TMEM132B: variants seen among roughly 807,000 people sequenced by gnomAD.
TMEM132B encodes transmembrane protein 132B.
A neutral mutation model predicts 90.8 loss-of-function variants in TMEM132B; 18 were observed. The observed-to-expected ratio is 0.20, with a 90% CI of 0.14 to 0.29. The LOEUF (loss-of-function observed/expected upper bound fraction) is 0.29, where lower values mean the gene tolerates loss of function less well. TMEM132B is among the 10% of genes least tolerant of loss of function. The probability of loss-of-function intolerance (pLI) is 1.00; values close to 1 mark genes in which losing one functional copy is unlikely to be tolerated. For synonymous variants in TMEM132B, 504 were observed against 523.3 expected (o/e 0.96, Z 0.50); for missense variants, 1,096 against 1,326.8 (o/e 0.83, Z 2.70).
At chr12:125,499,065 T>C (rs113121245) in intron 3 of TMEM132B, among the ~76,000 whole-genome samples, 4,812 of 152,272 alleles carry the variant, frequency 0.032, 148 homozygotes, top group African/African-American at 0.08. Context: ...AGGCCTTTGG[T>C]GTGGTTATCA....
chr12:125,243,106 T>C (rs1344820066), intron 1 of TMEM132B, among the ~76,000 whole-genome samples: 3 of 85,736 alleles, frequency 3.5e-5, no homozygotes, highest in African/African-American at 8.1e-5. Flanking sequence ...CATATATATA[T>C]ACACATATAT....
intron 1 of TMEM132B, among the ~76,000 whole-genome samples, chr12:125,313,918 A>G (rs1876185807): frequency 6.6e-6 from 1 of 151,544 alleles, no homozygotes; most frequent in East Asian, 2.0e-4. Context: ...GTGTGTCGCC[A>G]AAGTGTCTGG....
intron 6 of TMEM132B, among the ~76,000 whole-genome samples, chr12:125,645,827 A>C (rs889914155): frequency 7.2e-5 from 11 of 152,222 alleles, no homozygotes; most frequent in African/African-American, 2.7e-4. Context: ...TAGAAAACTA[A>C]TACAGAGCCT....
chr12:125,515,766 A>G (rs1883132323), intron 3 of TMEM132B, among the ~76,000 whole-genome samples: 2 of 151,794 alleles, frequency 1.3e-5, no homozygotes, highest in Admixed American at 6.6e-5. Context: ...ACACATTCTC[A>G]CACACATTTG....
intron 5 of TMEM132B, among the ~76,000 whole-genome samples, chr12:125,638,156 A>C (rs924669437): frequency 3.3e-5 from 5 of 152,188 alleles, no homozygotes; most frequent in African/African-American, 1.2e-4. Context: ...TGGCACAGAG[A>C]GACTGAGTGG....
At position 125,654,039 on chromosome 12, in the gene TMEM132B, G is replaced by A. The variant is rs1886998207; in HGVS notation, c.2581G>A (p.Gly861Arg). 1 of 1,614,188 alleles carries A rather than the reference G, an allele frequency of 6.2e-7. No homozygotes were observed. ...CACAACCCCCCAGTCTCCCATGGAA[G>A]GGAAGAATAAGTTACTCAAAAGTGG... ...KSTTPQSPMEGKNKLLKSGGP... is the reference protein window; with the variant it reads ...KSTTPQSPMERKNKLLKSGGP... The change falls in exon 9 of 9, where the codon GGG (glycine) becomes AGG (arginine). Residue 861 changes from glycine (G) to arginine (R), a missense_variant. Coordinates refer to ENST00000682704, the MANE Select transcript of TMEM132B (RefSeq NM_001366854.1). The surrounding 1 kb of genome is among the most constrained non-coding windows in gnomAD (Gnocchi z 5.8).
At chr12:125,360,456 C>T (rs1167337994) in intron 2 of TMEM132B, among the ~76,000 whole-genome samples, 1 of 152,056 alleles carries the variant, frequency 6.6e-6, no homozygotes, top group Admixed American at 6.6e-5. Context: ...TTTCTTTAGT[C>T]AACAATATGA....
chr12:125,533,867 T>A (rs1883718548), intron 4 of TMEM132B, among the ~76,000 whole-genome samples: 1 of 152,268 alleles, frequency 6.6e-6, no homozygotes, highest in Non-Finnish European at 1.5e-5. Context: ...CTTAATAGGC[T>A]TTATTATTTT....
intron 1 of TMEM132B, among the ~76,000 whole-genome samples, chr12:125,278,976 A>G (rs1297291576): frequency 6.6e-6 from 1 of 152,118 alleles, no homozygotes; most frequent in Non-Finnish European, 1.5e-5. Flanking sequence ...CTCCAGCACA[A>G]ATGGCTCCCT....
chr12:125,472,844 G>A (rs1540841), intron 3 of TMEM132B, among the ~76,000 whole-genome samples: 1 of 152,060 alleles, frequency 6.6e-6, no homozygotes, highest in South Asian at 2.1e-4. Flanking sequence ...GATAAGTTTC[G>A]GTTGTTTAGA....
intron 2 of TMEM132B, among the ~76,000 whole-genome samples, chr12:125,352,985 G>C (rs1332079347): frequency 6.6e-6 from 1 of 152,180 alleles, no homozygotes; most frequent in Non-Finnish European, 1.5e-5. Flanking sequence ...GGGGTGGGGT[G>C]GTCTAAAACC....
intron 1 of TMEM132B, among the ~76,000 whole-genome samples, chr12:125,334,342 CTT>C (rs1316343111): frequency 3.3e-5 from 5 of 152,202 alleles, no homozygotes; most frequent in African/African-American, 1.2e-4. Context: ...CATCTCACCT[CTT>C]GATACTCCTT....
rs117876032 is a variant in TMEM132B at position 125,251,457 on chromosome 12, C to A, written c.67+64591C>A. Among the ~76,000 whole-genome samples, 14 of 152,270 alleles carry A rather than the reference C, an allele frequency of 9.2e-5. No homozygotes were observed. The East Asian group carries it at 2.7e-3, about 29-fold the overall frequency. On this transcript the variant is annotated intron_variant, in intron 1 of 8. Coordinates refer to ENST00000682704, the MANE Select transcript of TMEM132B (RefSeq NM_001366854.1). The surrounding 1 kb of genome is among the most constrained non-coding windows in gnomAD (Gnocchi z 4.4). Reference sequence around the variant, plus strand: ...AAACCAGGGATTGCAAACTGAAATACCTGCAGGGCTCACACAGGAAATGTA... The same window carrying A: ...AAACCAGGGATTGCAAACTGAAATAACTGCAGGGCTCACACAGGAAATGTA...
chr12:125,422,362 G>A (rs781391226), intron 3 of TMEM132B, among the ~76,000 whole-genome samples: 7 of 152,196 alleles, frequency 4.6e-5, no homozygotes, highest in African/African-American at 1.7e-4. Flanking sequence ...GCATGGCAAA[G>A]CGCCTGTGCT....
At chr12:125,304,000 G>A (rs1213287845) in intron 1 of TMEM132B, among the ~76,000 whole-genome samples, 2 of 152,196 alleles carry the variant, frequency 1.3e-5, no homozygotes, top group African/African-American at 4.8e-5. Flanking sequence ...CCAGGGACTG[G>A]TTTCATGGAA....
intron 1 of TMEM132B, among the ~76,000 whole-genome samples, chr12:125,243,750 T>G (rs1874144159): frequency 1.3e-5 from 2 of 152,232 alleles, no homozygotes; most frequent in South Asian, 2.1e-4. Flanking sequence ...GTTGTTCCCA[T>G]TTTTGGGTCT....
At chr12:125,599,530 G>A (rs1885522523) in intron 5 of TMEM132B, among the ~76,000 whole-genome samples, 1 of 152,108 alleles carries the variant, frequency 6.6e-6, no homozygotes, top group Admixed American at 6.5e-5. Context: ...TTGAGGGTGG[G>A]GATGGGCTGG....
intron 4 of TMEM132B, among the ~76,000 whole-genome samples, chr12:125,548,499 T>G (rs1444889480): frequency 6.6e-6 from 1 of 152,174 alleles, no homozygotes; most frequent in Non-Finnish European, 1.5e-5. Context: ...AAGTGACCTT[T>G]AAGCTAAGGA....
chr12:125,447,402 A>T (rs1354481892), intron 3 of TMEM132B, among the ~76,000 whole-genome samples: 6 of 152,176 alleles, frequency 3.9e-5, no homozygotes, highest in Admixed American at 3.3e-4. Context: ...CGTCACTTTT[A>T]TTTATGAAAA....
Sources: gnomAD v4.1 joint callset for allele counts (sites outside exome capture counted in the v4.1 genomes callset) on GRCh38, gnomAD v4.1.1 for gene constraint, Gnocchi (gnomAD v3.1) non-coding constraint, MANE v1.5 for transcripts, NCBI Gene and HGNC (gene_info 2026-07-23, HGNC 2026-07-21) for gene names.